GIGYF2: variants seen among roughly 807,000 people sequenced by gnomAD.
The protein encoded by GIGYF2 is GRB10-interacting GYF protein 2.
Under a neutral mutation model 208.1 loss-of-function variants are expected in GIGYF2, and 25 were observed. The ratio of observed to expected loss-of-function variants is 0.12; its 90% CI spans 0.09 to 0.17. GIGYF2 has a LOEUF of 0.17. GIGYF2 is among the 10% of genes least tolerant of loss of function. The probability of loss-of-function intolerance (pLI) is 1.00; values close to 1 mark genes in which losing one functional copy is unlikely to be tolerated. For missense variants in GIGYF2, 1,302 were observed against 1,579.4 expected (o/e 0.82, Z 2.98); for synonymous variants, 534 against 543.8 (o/e 0.98, Z 0.25).
chr2:232,729,746 T>C (rs1697365224), intron 2 of GIGYF2: 4 of 752,948 alleles, frequency 5.3e-6, no homozygotes, highest in Middle Eastern at 3.7e-4. Context: ...CATATCTGTC[T>C]TATCATCCCA....
chr2:232,776,699 G>GGA, intron 8 of GIGYF2: 3 of 517,970 alleles, frequency 5.8e-6, no homozygotes, highest in Non-Finnish European at 1.0e-5. Context: ...TGGTTTGTTA[G>GGA]GAGGTCTTTC....
In GIGYF2 at chr2:232,832,858, A is replaced by T; in HGVS notation, c.2531A>T (p.Glu844Val). 6.4e-7 allele frequency: 1 copy of T among 1,550,482 alleles called. No individual in the cohort carries two copies. ...RKQEELLRKQ[E>V]EEAAKWAREE... ...TCTTTAATTTTTCCTTCTGGAAAGG[A>T]AGAGGAGGCTGCAAAATGGGCCCGG... Residue 844 changes from glutamate (E) to valine (V), a missense_variant and splice_region_variant, in exon 22 of 29, where the codon GAA (glutamate) becomes GTA (valine). By Grantham distance (121) the Glu-to-Val change is moderately radical. Around this residue, in one of 8 missense-constraint regions of GIGYF2, gnomAD observed 701 missense variants for 793.0 expected, o/e 0.88. Transcript: ENST00000373563.
intron 8 of GIGYF2, chr2:232,765,826 GC>G: frequency 2.3e-6 from 1 of 436,696 alleles, no homozygotes; most frequent in Non-Finnish European, 4.7e-6. Flanking sequence ...GTAAAACTAG[GC>G]CCCTGAGATT....
chr2:232,699,383 A>G (rs1268399744), intron 1 of GIGYF2, among the ~76,000 whole-genome samples: 6 of 152,142 alleles, frequency 3.9e-5, no homozygotes, highest in African/African-American at 9.7e-5. Flanking sequence ...TACTAAGATG[A>G]GATGGATTAT....
Position 232,754,701 on chromosome 2 carries a change from T to C in GIGYF2, c.268-1522T>C, listed in dbSNP as rs1698464900. On this transcript the variant is annotated intron_variant, in intron 5 of 28. Coordinates refer to ENST00000373563, the MANE Select transcript of GIGYF2 (RefSeq NM_001103146.3). ...CATTATTTAGTACCCCACTGCTTAC[T>C]CTGTGCTAAAAGGTAAGTTAATATA... 3.9e-5 allele frequency among the ~76,000 whole-genome samples: 6 copies of C among 152,296 alleles called. No individual in the cohort carries two copies. In the South Asian group the frequency reaches 1.2e-3, roughly 32 times the overall value.
chr2:232,725,671 A>G (rs755915499), intron 2 of GIGYF2, among the ~76,000 whole-genome samples: 2 of 152,266 alleles, frequency 1.3e-5, no homozygotes, highest in Non-Finnish European at 2.9e-5. Flanking sequence ...TCTTCCCAGT[A>G]TTCCCAGAGC....
intron 21 of GIGYF2, 132 bp from the exon 22 acceptor site, chr2:232,832,725 A>G: frequency 1.5e-6 from 1 of 682,226 alleles, no homozygotes. Context: ...TCTACCTTGC[A>G]TCATCATGAA....
chr2:232,835,239 T>C (rs1701547970), intron 22 of GIGYF2, among the ~76,000 whole-genome samples: 1 of 152,214 alleles, frequency 6.6e-6, no homozygotes, highest in Non-Finnish European at 1.5e-5. Flanking sequence ...TCCAATCCTC[T>C]GTTGATGGGC....
At position 232,851,501 on chromosome 2, in the gene GIGYF2, C is replaced by T. The variant is rs142203481; in HGVS notation, c.3832+1092C>T. Reference sequence around the variant, plus strand: ...GTGGCGTGATCTCAGCTCACTGCAACCTCTGCCTCCCGGGTTCAAGCGATT... The same window carrying T: ...GTGGCGTGATCTCAGCTCACTGCAATCTCTGCCTCCCGGGTTCAAGCGATT... On this transcript the variant is annotated intron_variant, in intron 28 of 28. Coordinates refer to ENST00000373563, the MANE Select transcript of GIGYF2 (RefSeq NM_001103146.3). Among the ~76,000 whole-genome samples the T allele has an allele frequency of 3.2e-3, 486 of 152,090 alleles. 3 individuals are homozygous for T. Among genetic ancestry groups the T allele is most frequent in the Non-Finnish European group, 3.9e-3 (264 of 67,984 alleles).
intron 1 of GIGYF2, among the ~76,000 whole-genome samples, chr2:232,698,691 CAACAG>C (rs1695714882): frequency 6.6e-6 from 1 of 152,140 alleles, no homozygotes; most frequent in South Asian, 2.1e-4. Context: ...CAGATGTTGA[CAACAG>C]AAGAGGACAC....
intron 22 of GIGYF2, among the ~76,000 whole-genome samples, chr2:232,835,693 G>A (rs1340552931): frequency 1.3e-5 from 2 of 151,970 alleles, no homozygotes; most frequent in Non-Finnish European, 2.9e-5. Context: ...TCCTCCCCCC[G>A]ACCATGTTGA....
At chr2:232,810,610 A>G (rs1318975261) in intron 16 of GIGYF2, 1 of 154,036 alleles carries the variant, frequency 6.5e-6, no homozygotes, top group East Asian at 1.9e-4. Context: ...ATTTATAAGC[A>G]AAGTGTTACT....
chr2:232,757,948 T>A (rs919067898), intron 6 of GIGYF2, among the ~76,000 whole-genome samples: 12 of 152,178 alleles, frequency 7.9e-5, no homozygotes, highest in African/African-American at 2.9e-4. Flanking sequence ...AAGATAGATG[T>A]GACATATGTA....
At chr2:232,755,871 C>T (rs571609163) in intron 5 of GIGYF2, among the ~76,000 whole-genome samples, 163 of 152,290 alleles carry the variant, frequency 1.1e-3, no homozygotes, top group Non-Finnish European at 1.8e-3. Flanking sequence ...AACCAGATCT[C>T]TTTTGTAAAA....
intron 6 of GIGYF2, among the ~76,000 whole-genome samples, chr2:232,759,275 G>A (rs1487789584): frequency 6.6e-6 from 1 of 152,012 alleles, no homozygotes; most frequent in African/African-American, 2.4e-5. Context: ...TTTTCTTTGG[G>A]TCATTGTGCA....
intron 5 of GIGYF2, among the ~76,000 whole-genome samples, chr2:232,754,460 T>A (rs899859376): frequency 6.6e-6 from 1 of 152,204 alleles, no homozygotes; most frequent in Admixed American, 6.5e-5. Context: ...CAGCAATGTA[T>A]GAGAGTTTGT....
At chr2:232,775,867 T>C (rs148326167) in intron 8 of GIGYF2, among the ~76,000 whole-genome samples, 3,477 of 152,336 alleles carry the variant, frequency 0.023, 71 homozygotes, top group Non-Finnish European at 0.032. Flanking sequence ...GAAAGTCTTA[T>C]AATGATTTCT....
intron 2 of GIGYF2, among the ~76,000 whole-genome samples, chr2:232,723,370 A>G (rs1697030106): frequency 6.6e-6 from 1 of 152,150 alleles, no homozygotes; most frequent in Admixed American, 6.5e-5. Flanking sequence ...TAAAATAAAA[A>G]AATGGAAATT....
chr2:232,756,180 CT>C (rs772938782), intron 5 of GIGYF2, 42 bp from the exon 6 acceptor site: 4 of 1,155,500 alleles, frequency 3.5e-6, no homozygotes, highest in Non-Finnish European at 2.4e-6. Flanking sequence ...TTTTTTCTTT[CT>C]TTTTTTCCTT....
Sources: allele counts gnomAD v4.1 joint callset (sites outside exome capture counted in the v4.1 genomes callset), GRCh38; gene constraint gnomAD v4.1.1; regional missense constraint gnomAD v4.1.1; transcripts MANE v1.5; gene names NCBI Gene and HGNC (gene_info 2026-07-23, HGNC 2026-07-21).